FAM135B: variants seen among roughly 807,000 people sequenced by gnomAD.
The protein encoded by FAM135B is protein FAM135B.
Under a neutral mutation model 127.7 loss-of-function variants are expected in FAM135B, and 43 were observed. The ratio of observed to expected loss-of-function variants is 0.34; its 90% confidence interval spans 0.26 to 0.43. The LOEUF (loss-of-function observed/expected upper bound fraction) is 0.43, where lower values mean the gene tolerates loss of function less well. Ranked by LOEUF, FAM135B falls within the 20% of genes least tolerant of loss-of-function variation. The pLI, the probability that FAM135B is intolerant of heterozygous loss-of-function variation, is 1.00. For synonymous variants in FAM135B, 670 were observed against 665.1 expected (o/e 1.01, Z -0.11); for missense variants, 1,558 against 1,725.6 (o/e 0.90, Z 1.72).
intron 1 of FAM135B, among the ~76,000 whole-genome samples, chr8:138,393,388 A>G (rs1019433325): frequency 5.9e-5 from 9 of 152,112 alleles, no homozygotes; most frequent in Non-Finnish European, 1.2e-4. Context: ...ACTTCTCACA[A>G]ACTTTAACAT....
chr8:138,321,341 T>C (rs1260766445), intron 2 of FAM135B, among the ~76,000 whole-genome samples: 1 of 152,124 alleles, frequency 6.6e-6, no homozygotes, highest in Non-Finnish European at 1.5e-5. Flanking sequence ...GCATCACAGC[T>C]GGGATGAAGC....
Position 138,455,012 on chromosome 8 carries a change from G to A in FAM135B, c.-20+41659C>T, listed in dbSNP as rs186856291. Among the ~76,000 whole-genome samples the A allele has an allele frequency of 5.2e-3, 786 of 152,268 alleles. 9 individuals carry two copies. Among genetic ancestry groups the A allele is most frequent in the African/African-American group, 0.017 (723 of 41,534 alleles). ...AGATGAGCACTGACTTATAAATTAG[G>A]GAACCTAGCTGAAATTGACAGAAAG... On this transcript the variant is annotated intron_variant, in intron 1 of 19. Transcript: ENST00000395297.
chr8:138,169,821 G>A (rs72721677), intron 11 of FAM135B, among the ~76,000 whole-genome samples: 7,971 of 152,254 alleles, frequency 0.052, 333 homozygotes, highest in African/African-American at 0.12. Flanking sequence ...CAATATAGCA[G>A]GACAGGTGTG....
At chr8:138,360,794 A>C (rs1830373136) in intron 2 of FAM135B, among the ~76,000 whole-genome samples, 2 of 152,216 alleles carry the variant, frequency 1.3e-5, no homozygotes, top group African/African-American at 4.8e-5. Context: ...AGATTTTCAC[A>C]GGAACTCTTT....
intron 1 of FAM135B, among the ~76,000 whole-genome samples, chr8:138,406,623 G>A (rs1833512877): frequency 6.6e-6 from 1 of 152,070 alleles, no homozygotes; most frequent in Non-Finnish European, 1.5e-5. Flanking sequence ...ATCAATAAAT[G>A]TAATCCAGCA....
intron 2 of FAM135B, among the ~76,000 whole-genome samples, chr8:138,331,594 A>G (rs1377792452): frequency 2.0e-5 from 3 of 152,168 alleles, no homozygotes; most frequent in African/African-American, 7.2e-5. Context: ...CACTACAGAA[A>G]GGTCTTCCAA....
At chr8:138,181,995 T>G (rs1054741390) in intron 9 of FAM135B, among the ~76,000 whole-genome samples, 1 of 152,094 alleles carries the variant, frequency 6.6e-6, no homozygotes, top group African/African-American at 2.4e-5. Context: ...AATGAATAGG[T>G]GGCTCGGTGT....
At chr8:138,360,621 T>A (rs774897117) in intron 2 of FAM135B, among the ~76,000 whole-genome samples, 2 of 152,248 alleles carry the variant, frequency 1.3e-5, no homozygotes, top group African/African-American at 4.8e-5. Flanking sequence ...GCCTGTGCAA[T>A]CTTCACTTAG....
intron 7 of FAM135B, among the ~76,000 whole-genome samples, chr8:138,210,590 G>A (rs1818062508): frequency 6.6e-6 from 1 of 152,178 alleles, no homozygotes; most frequent in South Asian, 2.1e-4. Context: ...GTAAGGGAGG[G>A]AAGCACCACA....
At chr8:138,311,060 A>G in intron 2 of FAM135B, 140 bp from the exon 3 acceptor site, 2 of 635,598 alleles carry the variant, frequency 3.1e-6, no homozygotes, top group Admixed American at 3.0e-5. Context: ...GGCATCAATG[A>G]GAAATGCATT....
At chr8:138,427,035 A>C (rs541829137) in intron 1 of FAM135B, among the ~76,000 whole-genome samples, 88 of 152,184 alleles carry the variant, frequency 5.8e-4, no homozygotes, top group Middle Eastern at 3.4e-3. Flanking sequence ...GAGCAAAAGA[A>C]GCCAAACAGA....
intron 3 of FAM135B, among the ~76,000 whole-genome samples, chr8:138,305,981 C>T (rs6992241): frequency 0.055 from 8,410 of 152,140 alleles, 385 homozygotes; most frequent in East Asian, 0.13. Context: ...ATGATTACTA[C>T]AAAGAATAGT....
chr8:138,321,713 C>A (rs1197344904), intron 2 of FAM135B, among the ~76,000 whole-genome samples: 4 of 152,088 alleles, frequency 2.6e-5, no homozygotes, highest in Non-Finnish European at 5.9e-5. Flanking sequence ...TAATGCCTGG[C>A]AAGTATTGAG....
intron 1 of FAM135B, among the ~76,000 whole-genome samples, chr8:138,376,032 C>T (rs980238496): frequency 1.3e-5 from 2 of 152,132 alleles, no homozygotes; most frequent in South Asian, 2.1e-4. Context: ...CTCACTCTGT[C>T]GCCCAAGCTG....
intron 3 of FAM135B, among the ~76,000 whole-genome samples, chr8:138,299,463 G>T (rs1211942580): frequency 6.6e-6 from 1 of 152,094 alleles, no homozygotes; most frequent in East Asian, 1.9e-4. Context: ...CACTCACCAG[G>T]CCTCACCATT....
At chr8:138,239,766 T>C (rs546815265) in intron 7 of FAM135B, among the ~76,000 whole-genome samples, 63 of 152,244 alleles carry the variant, frequency 4.1e-4, no homozygotes, top group African/African-American at 1.5e-3. Context: ...CCATCAATGA[T>C]AGACTGGATT....
At chr8:138,484,179 A>G (rs1422786195) in intron 1 of FAM135B, among the ~76,000 whole-genome samples, 1 of 152,048 alleles carries the variant, frequency 6.6e-6, no homozygotes, top group East Asian at 1.9e-4. Context: ...TGTGCCTGCA[A>G]CCCTTCACGC....
At chr8:138,479,948 C>T (rs368119231) in intron 1 of FAM135B, among the ~76,000 whole-genome samples, 1 of 152,130 alleles carries the variant, frequency 6.6e-6, no homozygotes, top group African/African-American at 2.4e-5. Context: ...CAAGGCTTAC[C>T]CCATCAGGGA....
chr8:138,413,489 A>C (rs1519393), intron 1 of FAM135B, among the ~76,000 whole-genome samples: 91,253 of 152,030 alleles, frequency 0.6, 29,326 homozygotes, highest in African/African-American at 0.84. Flanking sequence ...CTCAGAAGAA[A>C]CTAGAACATC....
Sources: gnomAD v4.1 joint callset for allele counts (sites outside exome capture counted in the v4.1 genomes callset) on GRCh38, gnomAD v4.1.1 for gene constraint, MANE v1.5 for transcripts, NCBI Gene and HGNC (gene_info 2026-07-23, HGNC 2026-07-21) for gene names.